The following CEP76 variants were observed in gnomAD, a reference collection of about 807,000 sequenced individuals.
CEP76 encodes centrosomal protein of 76 kDa.
In CEP76, 55 loss-of-function variants were observed where a neutral mutation model predicts 83.3. The ratio of observed to expected loss-of-function variants is 0.66; its 90% CI spans 0.53 to 0.83. The LOEUF (loss-of-function observed/expected upper bound fraction) is 0.83, where lower values mean the gene tolerates loss of function less well. Among genes scored for constraint, CEP76 ranks in the 40% least tolerant of loss-of-function variants. The pLI is 0.00. For missense variants in CEP76, 694 were observed against 799.5 expected (o/e 0.87, Z 1.59); for synonymous variants, 270 against 274.5 (o/e 0.98, Z 0.16).
rs2040133351 is a variant in CEP76, at chr18:12,701,041, G to C, written c.136C>G (p.His46Asp). 3.1e-6 allele frequency: 5 copies of C among 1,613,298 alleles called. No individual in the cohort carries two copies. The South Asian group carries it at 5.5e-5, about 18-fold the overall frequency. ...TTGATCAAATCTTCTGTTGATAAAT[G>C]CTGTTGATCAGGTGCCAATTCTTCC... is the stretch of plus-strand genomic sequence containing the variant. ...IREELAPDQQ[H>D]LSTEDLIKAL... The change falls in exon 2 of 12, where the codon CAT becomes GAT. Residue 46 changes from histidine (H) to aspartate (D), a missense_variant. Transcript: ENST00000262127.
chr18:12,687,366 A>G (rs1371754112), intron 7 of CEP76, among the ~76,000 whole-genome samples: 1 of 152,170 alleles, frequency 6.6e-6, no homozygotes, highest in Admixed American at 6.5e-5. Flanking sequence ...TTTGATTATA[A>G]TGAGAAAGAT....
intron 8 of CEP76, 74 bp from the exon 9 acceptor site, chr18:12,680,902 T>C: frequency 7.5e-7 from 1 of 1,330,404 alleles, no homozygotes; most frequent in Non-Finnish European, 1.0e-6. Flanking sequence ...TACTAAATTA[T>C]AATAAAAATT....
chr18:12,679,135 G>GA (rs2039253677), intron 9 of CEP76: 1 of 151,738 alleles, frequency 6.6e-6, no homozygotes, highest in African/African-American at 2.4e-5. Context: ...CAAGATGAAG[G>GA]AAAAACTAAG....
At chr18:12,681,803 T>G (rs1346078235) in intron 8 of CEP76, among the ~76,000 whole-genome samples, 1 of 152,168 alleles carries the variant, frequency 6.6e-6, no homozygotes, top group Non-Finnish European at 1.5e-5. Flanking sequence ...TATATTACTT[T>G]CAATTTTAAA....
chr18:12,670,667 TAA>T (rs2038919642), downstream of CEP76: 1 of 67,906 alleles, frequency 1.5e-5, no homozygotes, highest in Admixed American at 1.9e-4. Flanking sequence ...TTAACTTTTT[TAA>T]AAAGTTTTTT....
chr18:12,677,660 T>C (rs1478454037), intron 10 of CEP76, among the ~76,000 whole-genome samples: 1 of 152,076 alleles, frequency 6.6e-6, no homozygotes, highest in Non-Finnish European at 1.5e-5. Context: ...TGTTTCACCA[T>C]ATTCCCCAGG....
chr18:12,673,500 A>C lies in CEP76; in HGVS notation c.1845T>G (p.Ser615=). The change falls in exon 12 of 12, where the codon TCT becomes TCG. Residue 615 remains serine (S), a synonymous_variant. Transcript: ENST00000262127. The part of the protein sequence containing the change: ...ARRAFATCLR[S]PFCEEIICCR... ...AACAGATTATTTCTTCACAGAAAGGAGATCTATTTAAGAAAAAAAAAATTA... is the reference window on the plus strand; with the variant it reads ...AACAGATTATTTCTTCACAGAAAGGCGATCTATTTAAGAAAAAAAAAATTA... The C allele has an allele frequency of 6.4e-7, 1 of 1,574,174 alleles. No individual in the cohort carries two copies. Among genetic ancestry groups the C allele is most frequent in the Non-Finnish European group, 8.6e-7 (1 of 1,167,852 alleles).
At chr18:12,692,908 G>A (rs1009251388) in intron 6 of CEP76, among the ~76,000 whole-genome samples, 3 of 152,076 alleles carry the variant, frequency 2.0e-5, no homozygotes, top group Admixed American at 6.6e-5. Flanking sequence ...CTGTAGCCTC[G>A]AATTCCTGGG....
At chr18:12,702,070 G>C (rs746204764) in intron 1 of CEP76, among the ~76,000 whole-genome samples, 12 of 152,188 alleles carry the variant, frequency 7.9e-5, no homozygotes, top group Non-Finnish European at 1.5e-4. Context: ...AGGTTGCAGT[G>C]AGCCGAGATC....
intron 7 of CEP76, among the ~76,000 whole-genome samples, chr18:12,689,149 T>A (rs2039655211): frequency 6.6e-6 from 1 of 152,162 alleles, no homozygotes; most frequent in African/African-American, 2.4e-5. Context: ...TTACTTTCAG[T>A]GCTGGATACA....
intron 1 of CEP76, 109 bp from the exon 2 acceptor site, chr18:12,701,222 A>G: frequency 1.4e-6 from 1 of 737,198 alleles, no homozygotes; most frequent in East Asian, 2.5e-5. Context: ...TGTTACCACA[A>G]TTGAATGGGA....
rs2040138185 is a variant in CEP76, at chr18:12,701,182, A to G, written c.64-69T>C. On this transcript the variant is annotated intron_variant, in intron 1 of 11. Transcript: ENST00000262127. ...GTCAAATACTGCTTCTGAAGTTTTA[A>G]GGTTCTCCAGCTAACAGTAAATGCA... 5.1e-6 allele frequency: 6 copies of G among 1,183,922 alleles called. No homozygotes were observed. In the Admixed American group the frequency reaches 1.3e-4, roughly 25 times the overall value. 73.3% of individuals were successfully genotyped at this position (1,183,922 alleles called of 1,614,324 possible).
chr18:12,678,405 C>A lies in CEP76; in HGVS notation c.1327G>T (p.Val443Phe), dbSNP rs777672974. 1.8e-4 allele frequency: 288 copies of A among 1,613,672 alleles called. 2 individuals carry two copies. The East Asian group carries it at 6.4e-3, about 36-fold the overall frequency. The change falls in exon 10 of 12, where the codon GTT (valine) becomes TTT (phenylalanine). Residue 443 changes from valine (V) to phenylalanine (F), a missense_variant. Coordinates refer to ENST00000262127, the MANE Select transcript of CEP76 (RefSeq NM_024899.4). The stretch of plus-strand genomic sequence containing the variant: ...TACAGTGGTTTGGGCTGTTCAGCAA[C>A]TGGAGGTTCATCAGGATTGGTAGGT... ...HKPTNPDEPP[V>F]AEQPKPLYPY...
intron 4 of CEP76, among the ~76,000 whole-genome samples, chr18:12,697,918 A>T (rs1598663384): frequency 1.3e-5 from 2 of 152,184 alleles, no homozygotes; most frequent in East Asian, 3.8e-4. Flanking sequence ...GTCATCTTTA[A>T]ATCTAAAATT....
At chr18:12,702,730 C>T, upstream of CEP76, 1 of 650,756 alleles carries the variant, frequency 1.5e-6, no homozygotes, top group East Asian at 3.1e-5. Context: ...AAATGAGGCC[C>T]CGGCGGCGGC....
Position 12,673,243 on chromosome 18 carries a change from T to C in CEP76, c.*122A>G. 2.1e-6 allele frequency: 3 copies of C among 1,433,216 alleles called. No individual in the cohort carries two copies. Among genetic ancestry groups the C allele is most frequent in the Non-Finnish European group, 2.7e-6 (3 of 1,096,072 alleles). 88.8% of individuals were successfully genotyped at this position (1,433,216 alleles called of 1,614,324 possible). On this transcript the variant is annotated 3_prime_UTR_variant, in exon 12 of 12. Transcript: ENST00000262127. ...CATTACCAGTCAAGTATATACAAAATTGAAGTATGCCATTCAAGCCAGATT... is the reference window on the plus strand; with the variant it reads ...CATTACCAGTCAAGTATATACAAAACTGAAGTATGCCATTCAAGCCAGATT...
chr18:12,684,401 C>T (rs1344839769), intron 8 of CEP76: 1 of 151,994 alleles, frequency 6.6e-6, no homozygotes, highest in Non-Finnish European at 1.5e-5. Context: ...GGGCATGAGC[C>T]ACCATGCCTG....
downstream of CEP76, among the ~76,000 whole-genome samples, chr18:12,668,734 C>CTTTTTTT (rs543253434): frequency 6.2e-5 from 6 of 96,736 alleles, no homozygotes; most frequent in South Asian, 1.0e-3. Context: ...CACTTTATTC[C>CTTTTTTT]TTTTTTTTTT....
At chr18:12,683,864 G>A (rs1347940758) in intron 8 of CEP76, among the ~76,000 whole-genome samples, 1 of 151,704 alleles carries the variant, frequency 6.6e-6, no homozygotes, top group Non-Finnish European at 1.5e-5. Flanking sequence ...TTATAATTAT[G>A]AAATAAATGA....
Sources: gnomAD v4.1 joint callset for allele counts (sites outside exome capture counted in the v4.1 genomes callset) on GRCh38, gnomAD v4.1.1 for gene constraint, MANE v1.5 for transcripts, NCBI Gene and HGNC (gene_info 2026-07-23, HGNC 2026-07-21) for gene names.